DOCK9: variants seen among roughly 807,000 people sequenced by gnomAD.
The protein encoded by DOCK9 is dedicator of cytokinesis 9, also known as dedicator of cytokinesis protein 9.
DOCK9 carries 89 observed loss-of-function variants against 263.3 expected under a neutral mutation model. The observed-to-expected ratio is 0.34, with a 90% CI of 0.28 to 0.40. DOCK9 has a LOEUF of 0.40. Ranked by LOEUF, DOCK9 falls within the 10% of genes least tolerant of loss-of-function variation. The probability of loss-of-function intolerance (pLI) is 1.00; values close to 1 mark genes in which losing one functional copy is unlikely to be tolerated. For missense variants in DOCK9, 2,140 were observed against 2,603.4 expected (o/e 0.82, Z 3.87); for synonymous variants, 976 against 973.1 (o/e 1.00, Z -0.06).
chr13:98,965,613 G>A lies in DOCK9; in HGVS notation c.127-10062C>T, dbSNP rs552882896. On this transcript the variant is annotated intron_variant, in intron 1 of 52. Transcript: ENST00000682017. ...ATCTTGTCTCAGCCCGTACTAAAAC[G>A]ATGCCTACATTTTAATTTTGCACTT... Among the ~76,000 whole-genome samples the A allele has an allele frequency of 4.7e-4, 71 of 152,262 alleles. 1 individual carries two copies. The South Asian group carries it at 0.014, about 31-fold the overall frequency.
intron 1 of DOCK9, among the ~76,000 whole-genome samples, chr13:99,077,064 C>A (rs1158664303): frequency 6.6e-6 from 1 of 152,010 alleles, no homozygotes; most frequent in African/African-American, 2.4e-5. Flanking sequence ...GAGAGGCTGG[C>A]ATACATGGGA....
In DOCK9 at chr13:98,825,807, C is replaced by T. The variant is rs2092504900; in HGVS notation, c.5023+1023G>A. On this transcript the variant is annotated intron_variant, in intron 44 of 52. Transcript: ENST00000682017. This position sits in a 1 kb window ranked among gnomAD's most constrained non-coding sequence, Gnocchi z 4.1. ...TGCAAAGTTAAAAGGGCAAATCCCCCACCACGGGAGGGCACGTGACCAGGG... is the reference window on the plus strand; with the variant it reads ...TGCAAAGTTAAAAGGGCAAATCCCCTACCACGGGAGGGCACGTGACCAGGG... 2.7e-6 allele frequency: 3 copies of T among 1,126,664 alleles called. No homozygotes were observed. Among genetic ancestry groups the T allele is most frequent in the Non-Finnish European group, 2.4e-6 (2 of 836,914 alleles). 69.8% of individuals were successfully genotyped at this position (1,126,664 alleles called of 1,614,324 possible).
At chr13:98,963,415 T>A (rs2058872125) in intron 1 of DOCK9, among the ~76,000 whole-genome samples, 1 of 152,208 alleles carries the variant, frequency 6.6e-6, no homozygotes, top group Non-Finnish European at 1.5e-5. Flanking sequence ...CTGAGTTCAG[T>A]TCTGGCCAAA....
intron 1 of DOCK9, among the ~76,000 whole-genome samples, chr13:99,059,169 G>C (rs1478124398): frequency 6.6e-6 from 1 of 152,186 alleles, no homozygotes; most frequent in Non-Finnish European, 1.5e-5. Flanking sequence ...CATGACCAGA[G>C]ATCCTGGCTC....
chr13:98,937,240 G>A (rs886664453), intron 2 of DOCK9, among the ~76,000 whole-genome samples: 1 of 152,118 alleles, frequency 6.6e-6, no homozygotes, highest in African/African-American at 2.4e-5. Flanking sequence ...CATAATTAGT[G>A]TAATATGGTT....
intron 21 of DOCK9, 100 bp downstream of exon 21, chr13:98,884,871 G>C: frequency 7.3e-7 from 1 of 1,369,944 alleles, no homozygotes; most frequent in Non-Finnish European, 9.9e-7. Context: ...TGGTGGAAGA[G>C]CAAAAATACT....
At chr13:98,891,896 G>A (rs1283519025) in intron 15 of DOCK9, among the ~76,000 whole-genome samples, 2 of 150,802 alleles carry the variant, frequency 1.3e-5, no homozygotes, top group Admixed American at 6.6e-5. Flanking sequence ...TGTTGAATCT[G>A]GTTTATTAGA....
chr13:98,800,208 T>C (rs2089948354), intron 50 of DOCK9, 80 bp downstream of exon 50: 1 of 1,424,964 alleles, frequency 7.0e-7, no homozygotes, highest in Non-Finnish European at 9.4e-7. Flanking sequence ...CAAGTAGACC[T>C]TGTTAGTGGA....
At chr13:99,033,582 T>G (rs1887570694) in intron 1 of DOCK9, among the ~76,000 whole-genome samples, 1 of 152,232 alleles carries the variant, frequency 6.6e-6, no homozygotes, top group Non-Finnish European at 1.5e-5. Flanking sequence ...AGCTCGTGCA[T>G]CTTTGATCGC....
chr13:98,863,645 T>C, intron 30 of DOCK9, 97 bp from the exon 31 acceptor site: 1 of 1,308,044 alleles, frequency 7.6e-7, no homozygotes, highest in Non-Finnish European at 1.0e-6. Flanking sequence ...AGACCCATCC[T>C]CTGCATTCAG....
chr13:98,954,480 C>T (rs1567079572), intron 2 of DOCK9, among the ~76,000 whole-genome samples: 2 of 152,210 alleles, frequency 1.3e-5, no homozygotes, highest in Non-Finnish European at 2.9e-5. Context: ...TCCTCAACAG[C>T]CTCACAGCTT....
intron 45 of DOCK9, among the ~76,000 whole-genome samples, chr13:98,810,953 G>T (rs149369632): frequency 6.6e-6 from 1 of 152,324 alleles, no homozygotes; most frequent in South Asian, 2.1e-4. Context: ...GCCAATCAGG[G>T]TGAATTTTAG....
chr13:99,077,210 CCAGAT>C (rs1352421538), intron 1 of DOCK9, among the ~76,000 whole-genome samples: 1 of 152,150 alleles, frequency 6.6e-6, no homozygotes. Context: ...AGCAAAGAAA[CCAGAT>C]AAGAAGGATC....
At position 98,820,321 on chromosome 13, in the gene DOCK9, A is replaced by C. The variant is rs376793623; in HGVS notation, c.5130+4077T>G. ...CTTAGGAACCCCAGAAAGCCATTCTAAACAGCAAACCGCCAACAAAATCCA... is the reference window on the plus strand; with the variant it reads ...CTTAGGAACCCCAGAAAGCCATTCTCAACAGCAAACCGCCAACAAAATCCA... On this transcript the variant is annotated intron_variant, in intron 45 of 52. Coordinates refer to ENST00000682017, the MANE Select transcript of DOCK9 (RefSeq NM_001366683.2). 6.6e-5 allele frequency among the ~76,000 whole-genome samples: 10 copies of C among 152,346 alleles called. No homozygotes were observed. In the East Asian group the frequency reaches 1.2e-3, roughly 18 times the overall value.
At chr13:98,960,441 T>C (rs191661807) in intron 1 of DOCK9, among the ~76,000 whole-genome samples, 34 of 152,324 alleles carry the variant, frequency 2.2e-4, no homozygotes, top group South Asian at 1.4e-3. Flanking sequence ...ACTTGGTCTA[T>C]GTACAAGTCC....
intron 30 of DOCK9, among the ~76,000 whole-genome samples, chr13:98,865,854 C>G (rs2094005489): frequency 6.6e-6 from 1 of 151,982 alleles, no homozygotes; most frequent in African/African-American, 2.4e-5. Flanking sequence ...TGTGGAGTGG[C>G]TGGCTTGGGG....
chr13:98,941,290 G>C lies in DOCK9; in HGVS notation c.244-11033C>G, dbSNP rs546558630. 2.1e-4 allele frequency among the ~76,000 whole-genome samples: 32 copies of C among 152,340 alleles called. No individual in the cohort carries two copies. The East Asian group carries it at 6.2e-3, about 29-fold the overall frequency. ...AATGGGAAGTTGGGACTTTAAAAGA[G>C]GGACTGCGCAATTTAGTTGTGAGAT... On this transcript the variant is annotated intron_variant, in intron 2 of 52. Coordinates refer to ENST00000682017, the MANE Select transcript of DOCK9 (RefSeq NM_001366683.2).
At chr13:99,048,397 A>T (rs2040535466) in intron 1 of DOCK9, among the ~76,000 whole-genome samples, 1 of 152,198 alleles carries the variant, frequency 6.6e-6, no homozygotes, top group Non-Finnish European at 1.5e-5. Context: ...TACTCTAGAA[A>T]AGAAAATAAG....
chr13:99,086,704 G>T, upstream of DOCK9: 1 of 146,842 alleles, frequency 6.8e-6, no homozygotes, highest in South Asian at 1.9e-4. Flanking sequence ...TGTCCGGCGC[G>T]GCGCGGGCGG....
Sources: allele counts gnomAD v4.1 joint callset (sites outside exome capture counted in the v4.1 genomes callset), GRCh38; gene constraint gnomAD v4.1.1; non-coding constraint Gnocchi (gnomAD v3.1); transcripts MANE v1.5; gene names NCBI Gene and HGNC (gene_info 2026-07-23, HGNC 2026-07-21).